The following CACNA1C variants were observed in gnomAD, a reference collection of about 807,000 sequenced individuals.
CACNA1C encodes the protein calcium voltage-gated channel subunit alpha1 C, also known as voltage-dependent L-type calcium channel subunit alpha-1C.
Under a neutral mutation model 229.0 loss-of-function variants are expected in CACNA1C, and 30 were observed. The observed-to-expected ratio is 0.13, with a 90% CI of 0.10 to 0.18. The LOEUF is 0.18. Among genes scored for constraint, CACNA1C ranks in the 10% least tolerant of loss-of-function variants. The probability of loss-of-function intolerance (pLI) is 1.00; values close to 1 mark genes in which losing one functional copy is unlikely to be tolerated. For synonymous variants in CACNA1C, 1,114 were observed against 1,132.5 expected (o/e 0.98, Z 0.33); for missense variants, 1,658 against 2,845.0 (o/e 0.58, Z 9.49).
chr12:2,668,206 G>T (rs1011668815), intron 37 of CACNA1C, among the ~76,000 whole-genome samples: 1 of 152,228 alleles, frequency 6.6e-6, no homozygotes, highest in Admixed American at 6.5e-5. Context: ...TTTGCTGCCA[G>T]TGGAGAGCAC....
chr12:2,343,533 G>GA (rs917887751), intron 3 of CACNA1C, among the ~76,000 whole-genome samples: 16 of 151,366 alleles, frequency 1.1e-4, no homozygotes, highest in East Asian at 9.7e-4. Flanking sequence ...TACTTATACT[G>GA]AAAAAAAAAT....
At chr12:2,483,304 C>T (rs2099683866) in intron 5 of CACNA1C, among the ~76,000 whole-genome samples, 1 of 152,196 alleles carries the variant, frequency 6.6e-6, no homozygotes, top group Admixed American at 6.5e-5. Context: ...CACTGGGTGA[C>T]TTTCAGCTAC....
chr12:2,680,298 T>A, intron 42 of CACNA1C: 1 of 1,215,360 alleles, frequency 8.2e-7, no homozygotes. Context: ...TTCCTGGAGG[T>A]CTTGACTGTA....
intron 3 of CACNA1C, among the ~76,000 whole-genome samples, chr12:2,212,038 C>T (rs998521464): frequency 6.6e-5 from 10 of 152,110 alleles, no homozygotes; most frequent in African/African-American, 1.9e-4. Flanking sequence ...GCTACCTTTA[C>T]GTTATTTACA....
intron 3 of CACNA1C, among the ~76,000 whole-genome samples, chr12:2,299,028 A>G (rs4298967): frequency 0.74 from 113,062 of 152,190 alleles, 43,131 homozygotes; most frequent in East Asian, 0.96. Context: ...GGGCATTAAA[A>G]CATTTTAGTG....
At chr12:2,428,987 G>A (rs1261787966) in intron 3 of CACNA1C, among the ~76,000 whole-genome samples, 3 of 152,292 alleles carry the variant, frequency 2.0e-5, no homozygotes, top group Middle Eastern at 3.4e-3. Flanking sequence ...TTGTATCCTG[G>A]AGGCCAGAAG....
intron 3 of CACNA1C, among the ~76,000 whole-genome samples, chr12:2,335,438 TA>T (rs56955362): frequency 0.13 from 18,672 of 146,440 alleles, 3,090 homozygotes; most frequent in African/African-American, 0.39. Context: ...GCATATTAGT[TA>T]AAAAAAAAAA....
chr12:2,492,472 C>T (rs2099737618), intron 6 of CACNA1C, among the ~76,000 whole-genome samples: 1 of 152,228 alleles, frequency 6.6e-6, no homozygotes, highest in African/African-American at 2.4e-5. Context: ...AAGGGCAGAG[C>T]TGTGAAGTCC....
intron 9 of CACNA1C, among the ~76,000 whole-genome samples, chr12:2,535,094 A>T (rs533644910): frequency 6.6e-6 from 1 of 152,352 alleles, no homozygotes; most frequent in South Asian, 2.1e-4. Context: ...GATGTGGGCA[A>T]TTAAAGCAGC....
rs2064463715 is a variant in CACNA1C, at chr12:2,589,968, CTG to C, written c.2531-3243_2531-3242del. 3.3e-5 allele frequency among the ~76,000 whole-genome samples: 5 copies of C among 152,176 alleles called. 1 individual carries two copies. The highest frequency in any genetic ancestry group is 3.3e-4 in the Admixed American group (5 of 15,282). On this transcript the variant is annotated intron_variant, in intron 18 of 46. Coordinates refer to ENST00000399655, the MANE Select transcript of CACNA1C (RefSeq NM_000719.7). ...GAAGAGAAAATCCCCAATGCAGAAA[CTG>C]TATCCACCACCTGTGCTCCTTGTGC...
chr12:2,093,522 G>T (rs1024691950), intron 1 of CACNA1C, among the ~76,000 whole-genome samples: 1 of 152,210 alleles, frequency 6.6e-6, no homozygotes, highest in Non-Finnish European at 1.5e-5. Context: ...CGTGTTCCAC[G>T]CTGGCAACAT....
intron 34 of CACNA1C, 101 bp from the exon 35 acceptor site, chr12:2,664,724 C>T: frequency 1.1e-6 from 1 of 949,366 alleles, no homozygotes; most frequent in South Asian, 2.2e-5. Context: ...TAGTAACTCC[C>T]TCTGGGGAAG....
rs540978022 is a variant in CACNA1C, at chr12:1,994,980, G to C, written c.139+23779G>C. On this transcript the variant is annotated intron_variant, in intron 1 of 46. Transcript: ENST00000682462. ...CTGAAGAAAGCCTTCAACATTCTAG[G>C]ATCTGGGAGGTTTTTGTTTTGCAGG... Among the ~76,000 whole-genome samples, 6 of 143,678 alleles carry C rather than the reference G, an allele frequency of 4.2e-5. 1 individual carries two copies. Among genetic ancestry groups the C allele is most frequent in the African/African-American group, 1.6e-4 (6 of 38,446 alleles). The allele number at this position is 143,678 out of a possible 152,430, so 94.3% of individuals were successfully genotyped here. A position where few individuals can be genotyped will look rare whatever the true frequency, so the allele number is the denominator to read the frequency against.
chr12:2,616,266 C>T (rs891634880), intron 29 of CACNA1C, among the ~76,000 whole-genome samples: 7 of 152,206 alleles, frequency 4.6e-5, no homozygotes, highest in East Asian at 1.9e-4. Flanking sequence ...TCCCAGTCTC[C>T]GCTCTCTTTC....
chr12:2,489,588 CT>C (rs1299237956), intron 6 of CACNA1C, among the ~76,000 whole-genome samples: 2 of 152,204 alleles, frequency 1.3e-5, no homozygotes, highest in African/African-American at 2.4e-5. Flanking sequence ...GTAATTACCC[CT>C]GAGACTGGCA....
chr12:2,644,563 A>G (rs2094131237), intron 30 of CACNA1C, among the ~76,000 whole-genome samples: 1 of 152,190 alleles, frequency 6.6e-6, no homozygotes, highest in Non-Finnish European at 1.5e-5. Context: ...TGTGGCAACC[A>G]GGAAACACAT....
intron 1 of CACNA1C, among the ~76,000 whole-genome samples, chr12:2,099,111 C>T (rs928621935): frequency 6.6e-6 from 1 of 152,226 alleles, no homozygotes; most frequent in Non-Finnish European, 1.5e-5. Flanking sequence ...CGCTGCCGCT[C>T]ACTCTGGGCG....
chr12:1,996,641 A>AC (rs2040914805), intron 1 of CACNA1C, among the ~76,000 whole-genome samples: 3 of 98,484 alleles, frequency 3.0e-5, no homozygotes, highest in Admixed American at 1.1e-4. Flanking sequence ...AAAAAAAAAA[A>AC]AAAAAAAAAA....
At position 2,287,174 on chromosome 12, in the gene CACNA1C, T is replaced by A. The variant is rs552402954; in HGVS notation, c.478-161802T>A. On this transcript the variant is annotated intron_variant, in intron 3 of 46. Transcript: ENST00000399655. The surrounding 1 kb of genome is among the most constrained non-coding windows in gnomAD (Gnocchi z 4.6). ...TTATGGCTTTTCCTCCTTCATGGTC[T>A]CCTGGTACTTTTAACCCCTTCTCTC... Among the ~76,000 whole-genome samples, 1 of 152,316 alleles carries A rather than the reference T, an allele frequency of 6.6e-6. No homozygotes were observed. Among genetic ancestry groups the A allele is most frequent in the East Asian group, 1.9e-4 (1 of 5,174 alleles).
Sources: gnomAD v4.1 joint callset for allele counts (sites outside exome capture counted in the v4.1 genomes callset) on GRCh38, gnomAD v4.1.1 for gene constraint, Gnocchi (gnomAD v3.1) non-coding constraint, MANE v1.5 for transcripts, NCBI Gene and HGNC (gene_info 2026-07-23, HGNC 2026-07-21) for gene names.